The following RUFY3 variants were observed in gnomAD, a reference collection of about 807,000 sequenced individuals.
RUFY3 encodes the protein protein RUFY3.
In RUFY3, 34 loss-of-function variants were observed where a neutral mutation model predicts 84.0. That is an observed-to-expected ratio of 0.40 (90% CI 0.31 to 0.54). RUFY3 has a LOEUF of 0.54. Among genes scored for constraint, RUFY3 ranks in the 20% least tolerant of loss-of-function variants. The pLI is 0.39. For missense variants in RUFY3, 507 were observed against 736.8 expected, an observed-to-expected ratio of 0.69 and a Z score of 3.61; for synonymous variants, 242 against 252.9, an observed-to-expected ratio of 0.96 and a Z score of 0.41.
At chr4:70,768,878 G>A (rs1726444606) in intron 5 of RUFY3, among the ~76,000 whole-genome samples, 1 of 152,020 alleles carries the variant, frequency 6.6e-6, no homozygotes, top group Admixed American at 6.6e-5. Flanking sequence ...TGTCTTGGCT[G>A]TACTCTCTGT....
At chr4:70,708,969 GA>G (rs1383807319) in intron 1 of RUFY3, among the ~76,000 whole-genome samples, 1 of 152,196 alleles carries the variant, frequency 6.6e-6, no homozygotes, top group Non-Finnish European at 1.5e-5. Context: ...GAGGTGGGAG[GA>G]TGGCATGAGT....
intron 1 of RUFY3, among the ~76,000 whole-genome samples, chr4:70,709,711 T>C (rs963698664): frequency 1.3e-5 from 2 of 152,216 alleles, no homozygotes; most frequent in African/African-American, 4.8e-5. Flanking sequence ...TTAGTGTTGG[T>C]TGGAAGAGTC....
chr4:70,722,821 C>A, intron 1 of RUFY3, 70 bp downstream of exon 1: 3 of 1,472,804 alleles, frequency 2.0e-6, no homozygotes, highest in Non-Finnish European at 1.9e-6. Flanking sequence ...CTGGGAGGAT[C>A]AGGGAGAGGT....
chr4:70,748,252 A>T (rs76659351), intron 1 of RUFY3, among the ~76,000 whole-genome samples: 1 of 151,996 alleles, frequency 6.6e-6, no homozygotes, highest in African/African-American at 2.4e-5. Context: ...ACTCTACCCT[A>T]CCTGTGTTTT....
chr4:70,758,604 G>A (rs1724441232), intron 1 of RUFY3, among the ~76,000 whole-genome samples: 1 of 151,896 alleles, frequency 6.6e-6, no homozygotes, highest in Non-Finnish European at 1.5e-5. Context: ...CATATTTAGG[G>A]ATACAGACTG....
chr4:70,786,743 G>A (rs777434593), intron 10 of RUFY3, among the ~76,000 whole-genome samples: 18 of 151,916 alleles, frequency 1.2e-4, no homozygotes, highest in Non-Finnish European at 2.6e-4. Flanking sequence ...TTATCCAGGT[G>A]CTAGTGTTAT....
chr4:70,773,638 T>TA, intron 6 of RUFY3, 66 bp downstream of exon 6: 3 of 1,080,710 alleles, frequency 2.8e-6, no homozygotes, highest in Non-Finnish European at 4.2e-6. Flanking sequence ...TGGTGGTACT[T>TA]AAAGTTTACA....
At chr4:70,795,566 T>TG (rs1448441647) in intron 14 of RUFY3, among the ~76,000 whole-genome samples, 5 of 151,988 alleles carry the variant, frequency 3.3e-5, no homozygotes, top group Non-Finnish European at 7.4e-5. Flanking sequence ...TAAAAGACAG[T>TG]GAAAAAATTG....
chr4:70,709,868 T>C (rs944033913), intron 1 of RUFY3, among the ~76,000 whole-genome samples: 5 of 152,204 alleles, frequency 3.3e-5, no homozygotes, highest in East Asian at 1.9e-4. Context: ...GTTAAGGCAG[T>C]GTCCAAAAAA....
intron 10 of RUFY3, among the ~76,000 whole-genome samples, chr4:70,786,204 C>G (rs1320141121): frequency 6.6e-6 from 1 of 152,040 alleles, no homozygotes; most frequent in African/African-American, 2.4e-5. Flanking sequence ...AAACGTTGTT[C>G]TCATAAAAGT....
At chr4:70,748,599 C>T (rs1319590534) in intron 1 of RUFY3, among the ~76,000 whole-genome samples, 2 of 152,118 alleles carry the variant, frequency 1.3e-5, no homozygotes, top group African/African-American at 4.8e-5. Flanking sequence ...AGACACAAGA[C>T]TCCTAGGTCA....
chr4:70,793,094 A>C, intron 12 of RUFY3: 1 of 985,376 alleles, frequency 1.0e-6, no homozygotes, highest in Non-Finnish European at 1.2e-6. Flanking sequence ...ATGTAGAAGA[A>C]AACATCCATC....
chr4:70,763,766 T>C, intron 3 of RUFY3, 97 bp downstream of exon 3: 1 of 1,414,378 alleles, frequency 7.1e-7, no homozygotes. Flanking sequence ...GAATAATTTA[T>C]TTTATAACAA....
chr4:70,754,632 T>C (rs1431412615), intron 1 of RUFY3, among the ~76,000 whole-genome samples: 1 of 151,970 alleles, frequency 6.6e-6, no homozygotes, highest in African/African-American at 2.4e-5. Context: ...ACAAGGTCTT[T>C]TTCAGTACTT....
chr4:70,743,996 T>G (rs1476874591), intron 1 of RUFY3, among the ~76,000 whole-genome samples: 1 of 152,120 alleles, frequency 6.6e-6, no homozygotes, highest in Non-Finnish European at 1.5e-5. Flanking sequence ...AAGAAATAAG[T>G]TATGGAGTAT....
intron 1 of RUFY3, among the ~76,000 whole-genome samples, chr4:70,712,480 G>A (rs1311841496): frequency 6.6e-6 from 1 of 152,146 alleles, no homozygotes; most frequent in Non-Finnish European, 1.5e-5. Context: ...GGCAAAGAAA[G>A]CAACTTTGGG....
At chr4:70,730,951 A>C (rs966919805) in intron 1 of RUFY3, among the ~76,000 whole-genome samples, 4 of 152,216 alleles carry the variant, frequency 2.6e-5, no homozygotes, top group African/African-American at 9.7e-5. Flanking sequence ...TTTTATACAC[A>C]ATTGAACACA....
chr4:70,806,305 A>T (rs1445461755), intron 17 of RUFY3, among the ~76,000 whole-genome samples: 1 of 152,190 alleles, frequency 6.6e-6, no homozygotes, highest in Non-Finnish European at 1.5e-5. Flanking sequence ...TTTTAACTCT[A>T]TGGCACTGCT....
intron 4 of RUFY3, among the ~76,000 whole-genome samples, chr4:70,767,416 C>T (rs1002399244): frequency 6.6e-6 from 1 of 151,148 alleles, no homozygotes; most frequent in Non-Finnish European, 1.5e-5. Flanking sequence ...GGCGATAGCT[C>T]CCTTTTTTTA....
Sources: allele counts gnomAD v4.1 joint callset (sites outside exome capture counted in the v4.1 genomes callset), GRCh38; gene constraint gnomAD v4.1.1; transcripts MANE v1.5; gene names NCBI Gene and HGNC (gene_info 2026-07-23, HGNC 2026-07-21).